The following PCSK5 variants were observed in gnomAD, a reference collection of about 807,000 sequenced individuals.
PCSK5 encodes the protein proprotein convertase subtilisin/kexin type 5, also known as prohormone convertase 5.
Under a neutral mutation model 233.2 loss-of-function variants are expected in PCSK5, and 129 were observed. The observed-to-expected ratio is 0.55, with a 90% confidence interval of 0.48 to 0.64. The LOEUF is 0.64. Ranked by LOEUF, PCSK5 falls within the 30% of genes least tolerant of loss-of-function variation. The probability of loss-of-function intolerance (pLI) is 0.00; values close to 1 mark genes in which losing one functional copy is unlikely to be tolerated. For missense variants in PCSK5, 2,076 were observed against 2,430.1 expected, an observed-to-expected ratio of 0.85 and a Z score of 3.06; for synonymous variants, 825 against 879.2, an observed-to-expected ratio of 0.94 and a Z score of 1.09.
At chr9:76,103,479 A>G (rs1831847543) in intron 8 of PCSK5, among the ~76,000 whole-genome samples, 1 of 152,192 alleles carries the variant, frequency 6.6e-6, no homozygotes, top group African/African-American at 2.4e-5. Context: ...CTGAACTGAG[A>G]TTCCCTGGAG....
In PCSK5 at chr9:76,196,530, T is replaced by C. The variant is rs538181382; in HGVS notation, c.2626+6784T>C. 1.9e-3 allele frequency among the ~76,000 whole-genome samples: 283 copies of C among 152,302 alleles called. 3 individuals are homozygous for C. The highest frequency in any genetic ancestry group is 6.4e-3 in the African/African-American group (267 of 41,562). ...GTCTTAAAGGTTCAGTGCTCTGCCT[T>C]TTGGGGAAAAGAAATTGTAAACCAG... On this transcript the variant is annotated intron_variant, in intron 20 of 37. Transcript: ENST00000674117.
chr9:76,135,942 AG>A (rs1822954189), intron 10 of PCSK5, among the ~76,000 whole-genome samples: 2 of 152,060 alleles, frequency 1.3e-5, no homozygotes, highest in African/African-American at 4.8e-5. Flanking sequence ...GGTTTAGGAG[AG>A]GGGGAGACAG....
At chr9:76,307,486 T>C (rs1434045279) in intron 28 of PCSK5, among the ~76,000 whole-genome samples, 1 of 152,188 alleles carries the variant, frequency 6.6e-6, no homozygotes, top group Non-Finnish European at 1.5e-5. Context: ...TCCATATGTA[T>C]TGACTGAGTG....
chr9:76,216,846 T>C (rs1825552289), intron 20 of PCSK5, among the ~76,000 whole-genome samples: 2 of 152,200 alleles, frequency 1.3e-5, no homozygotes, highest in African/African-American at 4.8e-5. Flanking sequence ...CGCATTTCTT[T>C]TTTTGTTTGT....
At chr9:76,009,673 G>C (rs1827644627) in intron 3 of PCSK5, among the ~76,000 whole-genome samples, 1 of 151,270 alleles carries the variant, frequency 6.6e-6, no homozygotes, top group Non-Finnish European at 1.5e-5. Context: ...ACCTTAAACT[G>C]TCACAAGGTG....
At chr9:75,990,618 G>T (rs1826726552) in intron 3 of PCSK5, among the ~76,000 whole-genome samples, 1 of 152,180 alleles carries the variant, frequency 6.6e-6, no homozygotes, top group Non-Finnish European at 1.5e-5. Context: ...TGAGAGTTTA[G>T]AAAAACATGA....
intron 17 of PCSK5, among the ~76,000 whole-genome samples, chr9:76,186,753 TG>T (rs1283101726): frequency 6.6e-6 from 1 of 151,906 alleles, no homozygotes; most frequent in Non-Finnish European, 1.5e-5. Context: ...AGTGTTTCGG[TG>T]GTCCTTATTT....
intron 2 of PCSK5, among the ~76,000 whole-genome samples, chr9:75,962,969 AACATGGGC>A: frequency 6.6e-6 from 1 of 152,198 alleles, no homozygotes; most frequent in Non-Finnish European, 1.5e-5. Context: ...TAGCTGTGGG[AACATGGGC>A]AAAGAATGAA....
chr9:76,100,052 C>T (rs1831692621), intron 8 of PCSK5, among the ~76,000 whole-genome samples: 2 of 152,160 alleles, frequency 1.3e-5, no homozygotes, highest in Non-Finnish European at 2.9e-5. Flanking sequence ...AAGCCTTGCC[C>T]TGGGTTTCAA....
At chr9:76,194,346 G>T (rs1365521444) in intron 20 of PCSK5, 4 of 152,124 alleles carry the variant, frequency 2.6e-5, no homozygotes, top group African/African-American at 4.8e-5. Flanking sequence ...AAGAGGTCCT[G>T]TATTTTTAAG....
At chr9:76,000,207 G>C (rs929716327) in intron 3 of PCSK5, among the ~76,000 whole-genome samples, 20 of 152,046 alleles carry the variant, frequency 1.3e-4, no homozygotes, top group African/African-American at 4.8e-4. Context: ...GTTATTTCAG[G>C]CTTCATGTGA....
chr9:76,211,865 C>T (rs1252572444), intron 20 of PCSK5, among the ~76,000 whole-genome samples: 3 of 152,100 alleles, frequency 2.0e-5, no homozygotes, highest in African/African-American at 7.2e-5. Context: ...AAATCAAAGT[C>T]ATGCTCTTGC....
intron 2 of PCSK5, among the ~76,000 whole-genome samples, chr9:75,934,557 G>C (rs1025660851): frequency 5.9e-5 from 9 of 151,634 alleles, no homozygotes; most frequent in Non-Finnish European, 1.2e-4. Context: ...AGGACATTGG[G>C]GGTTCCTAAG....
intron 22 of PCSK5, 115 bp from the exon 23 acceptor site, chr9:76,238,844 T>C: frequency 1.4e-6 from 1 of 724,184 alleles, no homozygotes; most frequent in South Asian, 1.8e-5. Context: ...CCTCATCCAC[T>C]AGGAAAAAAA....
intron 12 of PCSK5, 90 bp from the exon 13 acceptor site, chr9:76,169,614 T>C (rs185414846): frequency 8.5e-6 from 11 of 1,296,906 alleles, no homozygotes; most frequent in Non-Finnish European, 1.2e-5. Flanking sequence ...AACTTGCTAA[T>C]GGATACAAAA....
At chr9:75,987,183 CTT>C (rs1826553644) in intron 3 of PCSK5, among the ~76,000 whole-genome samples, 1 of 152,152 alleles carries the variant, frequency 6.6e-6, no homozygotes, top group Non-Finnish European at 1.5e-5. Context: ...CCTCCCATTC[CTT>C]CTGCCTGGAA....
At chr9:76,183,854 C>T (rs1823980446) in intron 16 of PCSK5, among the ~76,000 whole-genome samples, 1 of 152,160 alleles carries the variant, frequency 6.6e-6, no homozygotes, top group Non-Finnish European at 1.5e-5. Flanking sequence ...AATCCACTTG[C>T]ATATCAGAGC....
chr9:75,920,716 G>A (rs936848887), intron 1 of PCSK5, among the ~76,000 whole-genome samples: 1 of 152,096 alleles, frequency 6.6e-6, no homozygotes, highest in Non-Finnish European at 1.5e-5. Flanking sequence ...TGAGGCACAA[G>A]AATCACTTGA....
chr9:76,237,219 G>C (rs1170537940), intron 22 of PCSK5, among the ~76,000 whole-genome samples: 1 of 152,204 alleles, frequency 6.6e-6, no homozygotes, highest in African/African-American at 2.4e-5. Flanking sequence ...CCAGATCAGA[G>C]TCTTGTGCTC....
Sources: allele counts gnomAD v4.1 joint callset (sites outside exome capture counted in the v4.1 genomes callset), GRCh38; gene constraint gnomAD v4.1.1; transcripts MANE v1.5; gene names NCBI Gene and HGNC (gene_info 2026-07-23, HGNC 2026-07-21).